The following UNC13C variants were observed in gnomAD, a reference collection of about 807,000 sequenced individuals.
UNC13C encodes the protein unc-13 homolog C.
A neutral mutation model predicts 245.4 loss-of-function variants in UNC13C; 174 were observed. That is an observed-to-expected ratio of 0.71 (90% CI 0.63 to 0.80). The LOEUF is 0.80. Among genes scored for constraint, UNC13C ranks in the 30% least tolerant of loss-of-function variants. The probability of loss-of-function intolerance (pLI) is 0.00; values close to 1 mark genes in which losing one functional copy is unlikely to be tolerated. For missense variants in UNC13C, 2,829 were observed against 2,602.9 expected (o/e 1.09, Z -1.89); for synonymous variants, 992 against 895.1 (o/e 1.11, Z -1.93).
chr15:54,011,644 A>G (rs905885486), intron 1 of UNC13C, among the ~76,000 whole-genome samples: 3 of 152,198 alleles, frequency 2.0e-5, no homozygotes, highest in African/African-American at 2.4e-5. Context: ...GTGAATGAAT[A>G]CCAAATTGTT....
chr15:54,137,253 G>A (rs982817887), intron 2 of UNC13C, among the ~76,000 whole-genome samples: 5 of 152,154 alleles, frequency 3.3e-5, no homozygotes, highest in Non-Finnish European at 7.4e-5. Flanking sequence ...TGGTTTGTTA[G>A]CATTTTGTTG....
At chr15:53,846,120 A>G in the UNC13C span, among the ~76,000 whole-genome samples, 1 of 152,204 alleles carries the variant, frequency 6.6e-6, no homozygotes, top group East Asian at 1.9e-4. Flanking sequence ...AGCCCATTTA[A>G]GGTAGACTGG....
Position 54,300,322 on chromosome 15 carries a change from T to A in UNC13C, c.4217T>A (p.Val1406Asp). 1.3e-6 allele frequency: 2 copies of A among 1,584,866 alleles called. No homozygotes were observed. The highest frequency in any genetic ancestry group is 1.7e-6 in the Non-Finnish European group (2 of 1,164,098). The change falls in exon 13 of 33, where the codon GTT (valine) becomes GAT (aspartate). Residue 1406 changes from valine to aspartate, a missense_variant. By Grantham distance (152) the Val-to-Asp change is radical. Coordinates refer to ENST00000260323, the MANE Select transcript of UNC13C (RefSeq NM_001080534.3). ...TTTGATGATGCTTCCCAAGAAATAG[T>A]TGATGAATTTGCTATGCGTTATGGA... ...VFFDDASQEI[V>D]DEFAMRYGIE...
intron 14 of UNC13C, among the ~76,000 whole-genome samples, chr15:54,331,196 T>C (rs1010131240): frequency 5.3e-5 from 8 of 152,086 alleles, no homozygotes; most frequent in Non-Finnish European, 1.0e-4. Flanking sequence ...GGGCATTTTA[T>C]GTCATTTAAT....
the UNC13C span, among the ~76,000 whole-genome samples, chr15:53,946,125 G>A: frequency 6.6e-6 from 1 of 152,038 alleles, no homozygotes; most frequent in Non-Finnish European, 1.5e-5. Flanking sequence ...ATCTGCTGAG[G>A]GAGCTTTTGG....
intron 19 of UNC13C, among the ~76,000 whole-genome samples, chr15:54,458,678 GTCT>G (rs1891666740): frequency 2.6e-5 from 1 of 38,632 alleles, no homozygotes; most frequent in African/African-American, 8.9e-5. Context: ...TTCCTTTAAG[GTCT>G]TTTTTTTTTT....
the UNC13C span, among the ~76,000 whole-genome samples, chr15:53,864,699 CA>C: frequency 1.3e-5 from 2 of 152,112 alleles, no homozygotes; most frequent in African/African-American, 2.4e-5. Context: ...ATCGTAGATA[CA>C]GATGTCCCTG....
chr15:54,463,539 A>G (rs1395768437), intron 19 of UNC13C, among the ~76,000 whole-genome samples: 1 of 151,900 alleles, frequency 6.6e-6, no homozygotes, highest in African/African-American at 2.4e-5. Flanking sequence ...AAGCAATTCC[A>G]GACGCGCCGC....
chr15:54,372,270 A>G (rs1036559744), intron 17 of UNC13C, among the ~76,000 whole-genome samples: 1 of 152,116 alleles, frequency 6.6e-6, no homozygotes, highest in Non-Finnish European at 1.5e-5. Flanking sequence ...GTAATATGTC[A>G]TATCAGTGAG....
In UNC13C at chr15:54,357,256, A is replaced by G. The variant is rs147233463; in HGVS notation, c.4713+18767A>G. Among the ~76,000 whole-genome samples, 632 of 152,172 alleles carry G rather than the reference A, an allele frequency of 4.2e-3. 27 individuals carry two copies. The East Asian group carries it at 0.087, about 21-fold the overall frequency. Reference sequence around the variant, plus strand: ...TGTGATGAAAACATTGTCTTAAAGCAGTGTTTTATTATAAATTTCAAAATA... The same window carrying G: ...TGTGATGAAAACATTGTCTTAAAGCGGTGTTTTATTATAAATTTCAAAATA... On this transcript the variant is annotated intron_variant, in intron 17 of 32. Coordinates refer to ENST00000260323, the MANE Select transcript of UNC13C (RefSeq NM_001080534.3).
At chr15:54,487,640 A>T (rs1291896271) in intron 19 of UNC13C, among the ~76,000 whole-genome samples, 1 of 151,700 alleles carries the variant, frequency 6.6e-6, no homozygotes, top group Non-Finnish European at 1.5e-5. Context: ...AGTGACACTC[A>T]CCTGTAATCT....
intron 4 of UNC13C, among the ~76,000 whole-genome samples, chr15:54,232,655 G>T (rs1365576445): frequency 6.6e-6 from 1 of 152,082 alleles, no homozygotes; most frequent in Non-Finnish European, 1.5e-5. Context: ...AATTGAATGT[G>T]TTTCTTTACA....
chr15:53,907,877 T>A, the UNC13C span, among the ~76,000 whole-genome samples: 478 of 146,634 alleles, frequency 3.3e-3, 47 homozygotes, highest in Non-Finnish European at 4.1e-3. Flanking sequence ...AGCAAAATAA[T>A]AAACAGAGCC....
chr15:54,326,562 G>A (rs1216031934), intron 14 of UNC13C, among the ~76,000 whole-genome samples: 2 of 151,996 alleles, frequency 1.3e-5, no homozygotes, highest in Non-Finnish European at 2.9e-5. Flanking sequence ...TGGGGTGAAG[G>A]TAAAGTGATT....
the UNC13C span, among the ~76,000 whole-genome samples, chr15:53,905,685 T>G: frequency 6.6e-6 from 1 of 152,230 alleles, no homozygotes; most frequent in Non-Finnish European, 1.5e-5. Context: ...GATGAGTAAG[T>G]TCTGGAGCTC....
chr15:54,337,571 C>CT (rs1441516090), intron 16 of UNC13C, among the ~76,000 whole-genome samples: 1 of 152,178 alleles, frequency 6.6e-6, no homozygotes, highest in East Asian at 1.9e-4. Flanking sequence ...CCTGTTAGCT[C>CT]TTTTTTTCTA....
chr15:54,490,739 G>C (rs929039258), intron 19 of UNC13C, among the ~76,000 whole-genome samples: 1 of 151,372 alleles, frequency 6.6e-6, no homozygotes, highest in South Asian at 2.1e-4. Flanking sequence ...CATGAGTAGA[G>C]AGACAGGAAA....
intron 2 of UNC13C, among the ~76,000 whole-genome samples, chr15:54,133,733 G>A (rs1465332100): frequency 6.6e-6 from 1 of 152,004 alleles, no homozygotes; most frequent in African/African-American, 2.4e-5. Context: ...ATTTATCAGC[G>A]AACAAAGACT....
chr15:54,414,283 G>C (rs1052072005), intron 18 of UNC13C, among the ~76,000 whole-genome samples: 2 of 152,196 alleles, frequency 1.3e-5, no homozygotes, highest in African/African-American at 4.8e-5. Flanking sequence ...TATATGAGGT[G>C]TGATTTTTTA....
Sources: allele counts gnomAD v4.1 joint callset (sites outside exome capture counted in the v4.1 genomes callset), GRCh38; gene constraint gnomAD v4.1.1; transcripts MANE v1.5; gene names NCBI Gene and HGNC (gene_info 2026-07-23, HGNC 2026-07-21).